The following PDE3A variants were observed in gnomAD, a reference collection of about 807,000 sequenced individuals.
PDE3A encodes cGMP-inhibited 3',5'-cyclic phosphodiesterase 3A.
In PDE3A, 43 loss-of-function variants were observed where a neutral mutation model predicts 98.3. That is an observed-to-expected ratio of 0.44 (90% confidence interval 0.34 to 0.56). The LOEUF (loss-of-function observed/expected upper bound fraction) is 0.56, where lower values mean the gene tolerates loss of function less well. Ranked by LOEUF, PDE3A falls within the 20% of genes least tolerant of loss-of-function variation. The pLI, the probability that PDE3A is intolerant of heterozygous loss-of-function variation, is 0.01. For synonymous variants in PDE3A, 663 were observed against 567.9 expected (o/e 1.17, Z -2.38); for missense variants, 1,427 against 1,440.7 (o/e 0.99, Z 0.15).
intron 1 of PDE3A, among the ~76,000 whole-genome samples, chr12:20,431,774 G>A (rs1372614039): frequency 6.6e-6 from 1 of 152,090 alleles, no homozygotes; most frequent in Non-Finnish European, 1.5e-5. Flanking sequence ...AGGAATCATA[G>A]AATCAAAGAT....
At chr12:20,467,418 T>C (rs1945357759) in intron 1 of PDE3A, among the ~76,000 whole-genome samples, 1 of 152,112 alleles carries the variant, frequency 6.6e-6, no homozygotes, top group African/African-American at 2.4e-5. Context: ...TCTGTTAATT[T>C]ATACTCTAGA....
intron 1 of PDE3A, among the ~76,000 whole-genome samples, chr12:20,401,428 C>T (rs1448864532): frequency 6.6e-6 from 1 of 151,728 alleles, no homozygotes; most frequent in African/African-American, 2.4e-5. Context: ...TCTAATCTAC[C>T]CTTCTTAACA....
chr12:20,439,450 T>A (rs1386899378), intron 1 of PDE3A, among the ~76,000 whole-genome samples: 1 of 152,224 alleles, frequency 6.6e-6, no homozygotes, highest in African/African-American at 2.4e-5. Flanking sequence ...GGGGAAATTA[T>A]CATTATTTCT....
At position 20,370,136 on chromosome 12, in the gene PDE3A, G is replaced by A. The variant is rs758894407; in HGVS notation, c.852G>A (p.Pro284=). ...TTGCTGGGACCAAGGAAGATATCCCGGTGTTTAAGAGGAGGAGGCGGTCCA... is the reference window on the plus strand; with the variant it reads ...TTGCTGGGACCAAGGAAGATATCCCAGTGTTTAAGAGGAGGAGGCGGTCCA... ...QLIAGTKEDI[P]VFKRRRRSSS... Residue 284 remains proline (P), a synonymous_variant, in exon 1 of 16, where the codon CCG becomes CCA. Transcript: ENST00000359062. 5.6e-6 allele frequency: 9 copies of A among 1,613,318 alleles called. No individual in the cohort carries two copies. Among genetic ancestry groups the A allele is most frequent in the South Asian group, 1.1e-5 (1 of 91,054 alleles).
intron 1 of PDE3A, among the ~76,000 whole-genome samples, chr12:20,444,059 C>T (rs1944913005): frequency 6.6e-6 from 1 of 152,144 alleles, no homozygotes; most frequent in African/African-American, 2.4e-5. Context: ...AATTATTGAG[C>T]ACAGGAAAAT....
At chr12:20,561,462 A>C (rs1396761657) in intron 2 of PDE3A, among the ~76,000 whole-genome samples, 1 of 152,214 alleles carries the variant, frequency 6.6e-6, no homozygotes, top group Non-Finnish European at 1.5e-5. Context: ...ATTCCTGCCC[A>C]GTACAAAGCA....
At chr12:20,592,369 A>G (rs1943359162) in intron 2 of PDE3A, among the ~76,000 whole-genome samples, 1 of 152,216 alleles carries the variant, frequency 6.6e-6, no homozygotes, top group Non-Finnish European at 1.5e-5. Flanking sequence ...GTCATCCTGC[A>G]GTAAATAAAA....
intron 2 of PDE3A, among the ~76,000 whole-genome samples, chr12:20,563,887 A>G (rs1041918830): frequency 3.3e-5 from 5 of 152,092 alleles, no homozygotes; most frequent in Non-Finnish European, 5.9e-5. Context: ...ACTATTGGAC[A>G]ATTATTTTTT....
At chr12:20,665,867 G>A (rs1945294869) in intron 15 of PDE3A, among the ~76,000 whole-genome samples, 1 of 151,244 alleles carries the variant, frequency 6.6e-6, no homozygotes, top group South Asian at 2.1e-4. Context: ...ACATATTTAT[G>A]TGGGGCACAT....
chr12:20,612,106 G>T (rs1943871773), intron 2 of PDE3A, among the ~76,000 whole-genome samples: 1 of 151,676 alleles, frequency 6.6e-6, no homozygotes, highest in African/African-American at 2.4e-5. Flanking sequence ...AAACATTTTG[G>T]ATTGTTTTTC....
chr12:20,454,192 A>T (rs963578026), intron 1 of PDE3A, among the ~76,000 whole-genome samples: 2 of 152,108 alleles, frequency 1.3e-5, no homozygotes, highest in African/African-American at 4.8e-5. Flanking sequence ...CGTTAAGCAT[A>T]TATCTTTACC....
At chr12:20,662,841 A>G (rs1211442625) in intron 15 of PDE3A, among the ~76,000 whole-genome samples, 1 of 152,232 alleles carries the variant, frequency 6.6e-6, no homozygotes, top group Non-Finnish European at 1.5e-5. Context: ...GAAAATTTGC[A>G]TAAGTAACAA....
intron 1 of PDE3A, among the ~76,000 whole-genome samples, chr12:20,527,393 C>G (rs1305786879): frequency 6.6e-6 from 1 of 152,070 alleles, no homozygotes; most frequent in South Asian, 2.1e-4. Flanking sequence ...CTAATAGTTG[C>G]CCCTTTTCCT....
At chr12:20,610,549 A>C (rs1196247075) in intron 2 of PDE3A, among the ~76,000 whole-genome samples, 2 of 152,010 alleles carry the variant, frequency 1.3e-5, no homozygotes, top group Non-Finnish European at 1.5e-5. Context: ...TCACCACCTC[A>C]TAAAGATATC....
At chr12:20,473,497 C>T (rs1481405938) in intron 1 of PDE3A, among the ~76,000 whole-genome samples, 1 of 152,168 alleles carries the variant, frequency 6.6e-6, no homozygotes, top group East Asian at 1.9e-4. Context: ...CACTAGCCAA[C>T]TCGATGCATT....
intron 1 of PDE3A, among the ~76,000 whole-genome samples, chr12:20,422,939 T>C (rs906251648): frequency 3.9e-5 from 6 of 152,228 alleles, no homozygotes; most frequent in Non-Finnish European, 7.3e-5. Flanking sequence ...ATCTAATTTG[T>C]TATATTATGT....
At position 20,630,165 on chromosome 12, in the gene PDE3A, A is replaced by C. The variant is rs7304499; in HGVS notation, c.1760+38A>C. 0.66 allele frequency: 943,464 copies of C among 1,432,798 alleles called. 312,878 individuals carry two copies. Among genetic ancestry groups the C allele is most frequent in the Non-Finnish European group, 0.68 (690,475 of 1,016,560 alleles). The allele number at this position is 1,432,798 out of a possible 1,614,324, so 88.8% of individuals were successfully genotyped here. On this transcript the variant is annotated intron_variant, in intron 6 of 15. Transcript: ENST00000359062. Reference sequence around the variant, plus strand: ...TATGAACTGAAGTTTAATAATAAAAACGATGATAGTTTTCCCCTAGAAATA... The same window carrying C: ...TATGAACTGAAGTTTAATAATAAAACCGATGATAGTTTTCCCCTAGAAATA...
chr12:20,426,070 T>C (rs895567380), intron 1 of PDE3A, among the ~76,000 whole-genome samples: 5 of 152,198 alleles, frequency 3.3e-5, no homozygotes, highest in African/African-American at 1.2e-4. Context: ...CAGAGGTATG[T>C]ATTTGAATAT....
chr12:20,392,720 A>G (rs150906101), intron 1 of PDE3A, among the ~76,000 whole-genome samples: 119 of 152,186 alleles, frequency 7.8e-4, no homozygotes, highest in African/African-American at 2.7e-3. Flanking sequence ...AAGATACAGA[A>G]TTAACTTCAG....
Sources: gnomAD v4.1 joint callset for allele counts (sites outside exome capture counted in the v4.1 genomes callset) on GRCh38, gnomAD v4.1.1 for gene constraint, MANE v1.5 for transcripts, NCBI Gene and HGNC (gene_info 2026-07-23, HGNC 2026-07-21) for gene names.